Variants in LY96 observed in about 807,000 individuals in gnomAD.
LY96 encodes lymphocyte antigen 96, also known as myeloid differentiation protein-2.
A neutral mutation model predicts 18.9 loss-of-function variants in LY96; 18 were observed. The observed-to-expected ratio is 0.95, with a 90% CI of 0.66 to 1.41. LY96 has a LOEUF of 1.41. LY96 is among the 40% of genes most tolerant of loss of function. The pLI, the probability that LY96 is intolerant of heterozygous loss-of-function variation, is 0.00. For missense variants in LY96, 175 were observed against 182.4 expected (o/e 0.96, Z 0.23); for synonymous variants, 66 against 62.6 (o/e 1.06, Z -0.26).
the LY96 span, chr8:74,052,701 A>C: frequency 6.6e-6 from 1 of 152,194 alleles, no homozygotes; most frequent in East Asian, 1.9e-4. Flanking sequence ...AGTAAGGTAT[A>C]TGTGAGTGAT....
At chr8:74,080,984 CTCTTTCTTTCTTTCTTTCTTTCTTTCTT>C in the LY96 span, among the ~76,000 whole-genome samples, 163 of 105,220 alleles carry the variant, frequency 1.5e-3, 3 homozygotes, top group East Asian at 0.012. Context: ...TTCTTTCTCT[CTCTTTCTTTCTTTCTTTCTTTCTTTCTT>C]TCTTTCTTTC....
intron 1 of LY96, among the ~76,000 whole-genome samples, chr8:73,992,412 G>T (rs780571486): frequency 4.6e-5 from 7 of 152,154 alleles, no homozygotes; most frequent in Non-Finnish European, 5.9e-5. Flanking sequence ...GGGAAAATAG[G>T]ATCTATGACC....
intron 3 of LY96, among the ~76,000 whole-genome samples, chr8:74,016,781 G>A (rs1816651951): frequency 6.6e-6 from 1 of 152,212 alleles, no homozygotes; most frequent in Non-Finnish European, 1.5e-5. Flanking sequence ...TGGACCTCCA[G>A]CAAACTCCAA....
intron 1 of LY96, among the ~76,000 whole-genome samples, chr8:74,001,979 C>CTT (rs1563710455): frequency 8.0e-4 from 106 of 132,142 alleles, no homozygotes; most frequent in Middle Eastern, 3.6e-3. Context: ...TCCTTCCTTC[C>CTT]CTCCCTCCCT....
chr8:74,098,179 G>A, the LY96 span, among the ~76,000 whole-genome samples: 2,965 of 152,184 alleles, frequency 0.019, 85 homozygotes, highest in African/African-American at 0.062. Context: ...GCCAGCTCTA[G>A]CCCTTCGGTA....
the LY96 span, among the ~76,000 whole-genome samples, chr8:74,050,239 A>C: frequency 1.3e-5 from 2 of 151,898 alleles, no homozygotes; most frequent in African/African-American, 4.8e-5. Context: ...GCTACTCAGG[A>C]GGCTGAGGCA....
chr8:73,991,632 G>A (rs1294362105), intron 1 of LY96, 78 bp downstream of exon 1: 1 of 869,368 alleles, frequency 1.2e-6, no homozygotes, highest in Non-Finnish European at 2.0e-6. Context: ...GTACACTGTT[G>A]TGGCTGGAAC....
chr8:74,099,472 G>A, the LY96 span: 17 of 152,240 alleles, frequency 1.1e-4, no homozygotes, highest in Non-Finnish European at 2.4e-4. Context: ...AATTGACCAT[G>A]GAGTGGTTCT....
At chr8:74,041,470 G>A in the LY96 span, among the ~76,000 whole-genome samples, 1 of 152,192 alleles carries the variant, frequency 6.6e-6, no homozygotes, top group Non-Finnish European at 1.5e-5. Flanking sequence ...GGGCAGAATA[G>A]AGCCATATTT....
downstream of LY96, among the ~76,000 whole-genome samples, chr8:74,033,186 C>CA (rs151190176): frequency 0.033 from 4,836 of 148,224 alleles, 242 homozygotes; most frequent in African/African-American, 0.11. Context: ...GCATAATTAA[C>CA]AAAAAAAAAG....
chr8:74,054,549 T>G, the LY96 span, among the ~76,000 whole-genome samples: 1 of 138,744 alleles, frequency 7.2e-6, no homozygotes, highest in East Asian at 2.0e-4. Flanking sequence ...CCTTCCTTCC[T>G]TCCTTCCTTC....
the LY96 span, among the ~76,000 whole-genome samples, chr8:74,037,299 A>C: frequency 6.6e-6 from 1 of 152,126 alleles, no homozygotes; most frequent in Non-Finnish European, 1.5e-5. Flanking sequence ...TAGCCTCTGG[A>C]TGAAGATGAT....
At chr8:74,003,573 C>T (rs556034818) in intron 1 of LY96, among the ~76,000 whole-genome samples, 3 of 152,304 alleles carry the variant, frequency 2.0e-5, no homozygotes, top group South Asian at 2.1e-4. Context: ...TCACGACCTT[C>T]GCTGTACTTC....
chr8:74,076,187 G>A, the LY96 span, among the ~76,000 whole-genome samples: 1 of 152,020 alleles, frequency 6.6e-6, no homozygotes, highest in South Asian at 2.1e-4. Context: ...ACATCTCGCA[G>A]TTGGGATGTA....
intron 3 of LY96, among the ~76,000 whole-genome samples, chr8:74,023,071 T>A (rs943436094): frequency 6.6e-6 from 1 of 152,120 alleles, no homozygotes; most frequent in Non-Finnish European, 1.5e-5. Context: ...TCTTTGAGTG[T>A]GTGTTTTGTG....
chr8:74,074,215 G>A, the LY96 span, among the ~76,000 whole-genome samples: 2,876 of 152,210 alleles, frequency 0.019, 82 homozygotes, highest in African/African-American at 0.065. Context: ...GGCCAGGCTG[G>A]TCTCGAACTC....
At chr8:74,042,523 A>G in the LY96 span, among the ~76,000 whole-genome samples, 1 of 152,204 alleles carries the variant, frequency 6.6e-6, no homozygotes, top group Non-Finnish European at 1.5e-5. Context: ...CATCTCAAAA[A>G]AAAAAATTTG....
At chr8:74,060,627 C>G in the LY96 span, among the ~76,000 whole-genome samples, 1 of 152,216 alleles carries the variant, frequency 6.6e-6, no homozygotes, top group Non-Finnish European at 1.5e-5. Context: ...CTGAGTCCCT[C>G]CTTGACCCTT....
the LY96 span, among the ~76,000 whole-genome samples, chr8:74,038,843 C>T: frequency 2.0e-5 from 3 of 152,196 alleles, no homozygotes; most frequent in African/African-American, 7.2e-5. Context: ...AGATATCTTT[C>T]TGATATACTG....
Sources: gnomAD v4.1 joint callset for allele counts (sites outside exome capture counted in the v4.1 genomes callset) on GRCh38, gnomAD v4.1.1 for gene constraint, MANE v1.5 for transcripts, NCBI Gene and HGNC (gene_info 2026-07-23, HGNC 2026-07-21) for gene names.